Variants in DAB1 observed in about 807,000 individuals in gnomAD.
The protein encoded by DAB1 is DAB adaptor protein 1, also known as disabled homolog 1.
DAB1 carries 15 observed loss-of-function variants against 64.6 expected under a neutral mutation model. The observed-to-expected ratio is 0.23, with a 90% CI of 0.16 to 0.36. The LOEUF is 0.36. Among genes scored for constraint, DAB1 ranks in the 10% least tolerant of loss-of-function variants. The pLI is 1.00. For missense variants in DAB1, 596 were observed against 706.7 expected, an observed-to-expected ratio of 0.84 and a Z score of 1.78; for synonymous variants, 235 against 251.9, an observed-to-expected ratio of 0.93 and a Z score of 0.64.
chr1:57,419,875 T>C (rs910153190), intron 1 of DAB1, among the ~76,000 whole-genome samples: 2 of 152,246 alleles, frequency 1.3e-5, no homozygotes, highest in African/African-American at 4.8e-5. Flanking sequence ...CCAGACTCCT[T>C]ACCACCTGCT....
chr1:58,391,931 G>A (rs1644479517), intron 3 of DAB1, among the ~76,000 whole-genome samples: 1 of 152,206 alleles, frequency 6.6e-6, no homozygotes, highest in South Asian at 2.1e-4. Flanking sequence ...CACCCCAACA[G>A]GGAGATGGGA....
chr1:58,232,776 G>T (rs1334329715), intron 4 of DAB1, among the ~76,000 whole-genome samples: 2 of 152,140 alleles, frequency 1.3e-5, no homozygotes, highest in Non-Finnish European at 2.9e-5. Flanking sequence ...ATCGCAGGTA[G>T]AGAAAACAGC....
intron 5 of DAB1, among the ~76,000 whole-genome samples, chr1:58,090,555 T>C (rs1238794776): frequency 6.6e-6 from 1 of 152,206 alleles, no homozygotes; most frequent in African/African-American, 2.4e-5. Flanking sequence ...CTTTTCCCTA[T>C]CTCCCTTTCT....
intron 1 of DAB1, among the ~76,000 whole-genome samples, chr1:57,849,496 A>C (rs919233117): frequency 3.3e-5 from 5 of 152,204 alleles, no homozygotes; most frequent in Non-Finnish European, 7.3e-5. Context: ...AGAATTTCAG[A>C]TCCAATAGGA....
chr1:57,219,317 C>T (rs1040310556), intron 2 of DAB1, among the ~76,000 whole-genome samples: 4 of 151,674 alleles, frequency 2.6e-5, no homozygotes, highest in African/African-American at 9.7e-5. Flanking sequence ...GAAGGAAAAT[C>T]TCAGAATAAA....
At chr1:58,454,368 C>T (rs145974954) in intron 3 of DAB1, among the ~76,000 whole-genome samples, 1 of 152,274 alleles carries the variant, frequency 6.6e-6, no homozygotes, top group African/African-American at 2.4e-5. Context: ...CATCTTCAGA[C>T]CCATTCAGGT....
intron 4 of DAB1, among the ~76,000 whole-genome samples, chr1:58,155,395 G>T (rs958034270): frequency 6.6e-6 from 1 of 152,062 alleles, no homozygotes; most frequent in African/African-American, 2.4e-5. Context: ...TATAACACAC[G>T]AGACCCCATC....
chr1:57,021,381 C>T (rs1351337623), intron 11 of DAB1, among the ~76,000 whole-genome samples: 1 of 152,164 alleles, frequency 6.6e-6, no homozygotes, highest in African/African-American at 2.4e-5. Context: ...TTGGCTGTGT[C>T]CCCACCCAAA....
intron 5 of DAB1, among the ~76,000 whole-genome samples, chr1:57,934,614 T>C (rs1445979596): frequency 6.6e-6 from 1 of 152,192 alleles, no homozygotes; most frequent in Non-Finnish European, 1.5e-5. Flanking sequence ...TCTCTAAAAC[T>C]CTGTTGTCCA....
chr1:57,038,928 T>C (rs557232543), intron 9 of DAB1, among the ~76,000 whole-genome samples: 6 of 152,272 alleles, frequency 3.9e-5, no homozygotes, highest in Admixed American at 3.9e-4. Context: ...TAAGCTGACC[T>C]GAACGGGCTA....
intron 4 of DAB1, among the ~76,000 whole-genome samples, chr1:57,111,794 T>A (rs1655684574): frequency 6.6e-6 from 1 of 152,236 alleles, no homozygotes; most frequent in African/African-American, 2.4e-5. Context: ...ATTCACTCAG[T>A]GCTGAATCCT....
intron 4 of DAB1, among the ~76,000 whole-genome samples, chr1:57,131,471 T>A (rs1050896065): frequency 6.6e-6 from 1 of 152,156 alleles, no homozygotes; most frequent in African/African-American, 2.4e-5. Flanking sequence ...GACAGCAACA[T>A]CCCAGATACT....
rs61767501 is a variant in DAB1, at chr1:57,177,115, A to G, written c.68-31686T>C. Among the ~76,000 whole-genome samples the G allele has an allele frequency of 8.1e-3, 1,229 of 152,152 alleles. 25 individuals are homozygous for G. The highest frequency in any genetic ancestry group is 0.078 in the East Asian group (404 of 5,168). On this transcript the variant is annotated intron_variant, in intron 2 of 14. Transcript: ENST00000371236. ...ACAACTTAGCCCTAAGATCACTCCA[A>G]AGGAATCTACATAGCTGACTTTATC... is the stretch of plus-strand genomic sequence containing the variant.
chr1:58,166,683 G>A (rs1033311331), intron 4 of DAB1, among the ~76,000 whole-genome samples: 3 of 150,118 alleles, frequency 2.0e-5, no homozygotes, highest in African/African-American at 7.4e-5. Context: ...TGATATCTGT[G>A]AGTAGAGTTG....
intron 1 of DAB1, among the ~76,000 whole-genome samples, chr1:58,537,016 A>G (rs1299048328): frequency 6.6e-6 from 1 of 152,096 alleles, no homozygotes; most frequent in Non-Finnish European, 1.5e-5. Context: ...CTAGTTTACT[A>G]TAACTACCAC....
At chr1:57,633,237 G>A (rs370305448) in intron 7 of DAB1, among the ~76,000 whole-genome samples, 1 of 152,176 alleles carries the variant, frequency 6.6e-6, no homozygotes, top group East Asian at 1.9e-4. Flanking sequence ...GGAGGGGGCC[G>A]AGATGACACT....
At chr1:57,329,007 CT>C (rs919765100) in intron 1 of DAB1, among the ~76,000 whole-genome samples, 2 of 152,192 alleles carry the variant, frequency 1.3e-5, no homozygotes, top group African/African-American at 4.8e-5. Context: ...GTTGACAGCA[CT>C]TTAAGAAAAA....
At chr1:58,105,435 A>T (rs1429095293) in intron 5 of DAB1, among the ~76,000 whole-genome samples, 1 of 152,156 alleles carries the variant, frequency 6.6e-6, no homozygotes, top group African/African-American at 2.4e-5. Context: ...ATTTCATATC[A>T]GAAATACTGC....
chr1:58,101,230 T>C (rs1031978554), intron 5 of DAB1, among the ~76,000 whole-genome samples: 1 of 152,112 alleles, frequency 6.6e-6, no homozygotes, highest in Non-Finnish European at 1.5e-5. Flanking sequence ...GGCAGGAGAA[T>C]GGTGTGAACC....
Sources: allele counts gnomAD v4.1 joint callset (sites outside exome capture counted in the v4.1 genomes callset), GRCh38; gene constraint gnomAD v4.1.1; transcripts MANE v1.5; gene names NCBI Gene and HGNC (gene_info 2026-07-23, HGNC 2026-07-21).